The following ANXA4 variants were observed in gnomAD, a reference collection of about 807,000 sequenced individuals.
ANXA4 encodes annexin A4, also known as 35-beta calcimedin.
A neutral mutation model predicts 49.8 loss-of-function variants in ANXA4; 39 were observed. The observed-to-expected ratio is 0.78, with a 90% CI of 0.61 to 1.02. ANXA4 has a LOEUF of 1.02. Ranked by LOEUF, ANXA4 falls within the 50% of genes least tolerant of loss-of-function variation. ANXA4 has a pLI of 0.00. For missense variants in ANXA4, 360 were observed against 410.1 expected, an observed-to-expected ratio of 0.88 and a Z score of 1.05; for synonymous variants, 134 against 152.5, an observed-to-expected ratio of 0.88 and a Z score of 0.89.
At chr2:69,792,391 C>A (rs1391442595) in intron 3 of ANXA4, among the ~76,000 whole-genome samples, 1 of 152,140 alleles carries the variant, frequency 6.6e-6, no homozygotes, top group Non-Finnish European at 1.5e-5. Context: ...ACATTATAGA[C>A]AATCCTATTT....
chr2:69,708,714 A>C (rs533683091), intron 2 of ANXA4, among the ~76,000 whole-genome samples: 39 of 152,246 alleles, frequency 2.6e-4, no homozygotes, highest in Middle Eastern at 3.4e-3. Context: ...ATGGTCCTCC[A>C]ACAATCGAGG....
At chr2:69,668,163 A>T (rs966416588) in intron 2 of ANXA4, among the ~76,000 whole-genome samples, 5 of 152,188 alleles carry the variant, frequency 3.3e-5, no homozygotes, top group African/African-American at 9.7e-5. Context: ...ACCGGTTTAT[A>T]AGTCCATGCT....
chr2:69,698,956 C>A (rs1054540373), intron 2 of ANXA4, among the ~76,000 whole-genome samples: 14 of 152,244 alleles, frequency 9.2e-5, no homozygotes, highest in Non-Finnish European at 1.9e-4. Context: ...GAGGATAAGG[C>A]AGGAAAAGTG....
chr2:69,733,858 T>A (rs1659659332), intron 3 of ANXA4, among the ~76,000 whole-genome samples: 1 of 152,018 alleles, frequency 6.6e-6, no homozygotes, highest in South Asian at 2.1e-4. Flanking sequence ...TGTTCCCGAA[T>A]TTTTTTTACA....
intron 1 of ANXA4, among the ~76,000 whole-genome samples, chr2:69,649,583 G>C (rs1676147180): frequency 8.0e-6 from 1 of 125,086 alleles, no homozygotes; most frequent in Non-Finnish European, 1.7e-5. Context: ...ATTCTCTTGT[G>C]TGCTTCTTTG....
intron 2 of ANXA4, 56 bp downstream of exon 2, chr2:69,781,630 T>G (rs1559185824): frequency 1.9e-6 from 3 of 1,604,098 alleles, no homozygotes; most frequent in Non-Finnish European, 2.6e-6. Context: ...AGGTACAGAA[T>G]GTGGGCTCAG....
chr2:69,820,284 G>T (rs1443344066), intron 11 of ANXA4, among the ~76,000 whole-genome samples: 1 of 150,608 alleles, frequency 6.6e-6, no homozygotes, highest in Non-Finnish European at 1.5e-5. Context: ...AATCTGCAAA[G>T]AATATATAAA....
intron 2 of ANXA4, among the ~76,000 whole-genome samples, chr2:69,704,972 T>C (rs1253066010): frequency 1.3e-5 from 2 of 152,116 alleles, no homozygotes; most frequent in African/African-American, 4.8e-5. Context: ...CTGGTTAGGA[T>C]TTCCAAAACA....
intron 1 of ANXA4, among the ~76,000 whole-genome samples, chr2:69,771,772 C>T (rs183905106): frequency 6.6e-6 from 1 of 152,280 alleles, no homozygotes; most frequent in Non-Finnish European, 1.5e-5. Context: ...TCCTGGAAAC[C>T]AGTATAGATG....
At chr2:69,730,388 G>T (rs1425251261) in intron 3 of ANXA4, among the ~76,000 whole-genome samples, 1 of 152,162 alleles carries the variant, frequency 6.6e-6, no homozygotes, top group African/African-American at 2.4e-5. Flanking sequence ...TATAATCCCA[G>T]CTATTTGGGA....
intron 2 of ANXA4, among the ~76,000 whole-genome samples, chr2:69,701,174 T>C (rs576055577): frequency 6.4e-4 from 92 of 142,882 alleles, no homozygotes; most frequent in Non-Finnish European, 1.1e-3. Flanking sequence ...TGTGCCTGGC[T>C]TAATTTTTTT....
chr2:69,662,307 G>A (rs1343728906), intron 2 of ANXA4, among the ~76,000 whole-genome samples: 1 of 152,162 alleles, frequency 6.6e-6, no homozygotes, highest in Admixed American at 6.6e-5. Context: ...AAGACATCCA[G>A]GCAGAAGTTA....
At chr2:69,677,774 G>A (rs116236389) in intron 2 of ANXA4, among the ~76,000 whole-genome samples, 3,379 of 152,176 alleles carry the variant, frequency 0.022, 100 homozygotes, top group African/African-American at 0.076. Context: ...ACAGAAGCAG[G>A]TGATAGAAAA....
chr2:69,802,306 T>C (rs1489342288), intron 3 of ANXA4, among the ~76,000 whole-genome samples: 1 of 152,124 alleles, frequency 6.6e-6, no homozygotes, highest in Admixed American at 6.5e-5. Context: ...AAATCTTGAA[T>C]TGGAATGGTT....
At chr2:69,705,102 A>G (rs1326895061) in intron 2 of ANXA4, among the ~76,000 whole-genome samples, 1 of 152,022 alleles carries the variant, frequency 6.6e-6, no homozygotes, top group East Asian at 1.9e-4. Flanking sequence ...CCTGGGTGAC[A>G]TAGAGAGACT....
At chr2:69,770,931 A>T (rs999794671) in intron 1 of ANXA4, among the ~76,000 whole-genome samples, 12 of 97,996 alleles carry the variant, frequency 1.2e-4, no homozygotes, top group East Asian at 4.7e-4. Flanking sequence ...TAGAAAATTT[A>T]AAAAAAAAAA....
chr2:69,825,305 G>T, intron 12 of ANXA4, 151 bp from the exon 13 acceptor site: 1 of 648,684 alleles, frequency 1.5e-6, no homozygotes, highest in Non-Finnish European at 2.7e-6. Flanking sequence ...TTTCTACACT[G>T]AATAAGTATT....
At chr2:69,754,247 C>T (rs961627406) in intron 1 of ANXA4, among the ~76,000 whole-genome samples, 1 of 152,124 alleles carries the variant, frequency 6.6e-6, no homozygotes, top group African/African-American at 2.4e-5. Context: ...TTCCCATTTC[C>T]TCATACTTGA....
rs11677920 is a variant in ANXA4 at position 69,791,505 on chromosome 2, G to A, written c.97+3364G>A. Among the ~76,000 whole-genome samples, 1,477 of 152,282 alleles carry A rather than the reference G, an allele frequency of 9.7e-3. 12 individuals are homozygous for A. The highest frequency in any genetic ancestry group is 0.016 in the Non-Finnish European group (1,085 of 68,018). On this transcript the variant is annotated intron_variant, in intron 3 of 12. Coordinates refer to ENST00000394295, the MANE Select transcript of ANXA4 (RefSeq NM_001153.5). Reference sequence around the variant, plus strand: ...GAGACATAAACATGCTCCAAACTTTGCCTATAGTAGTACACTTTGCTTAGT... The same window carrying A: ...GAGACATAAACATGCTCCAAACTTTACCTATAGTAGTACACTTTGCTTAGT...
Sources: allele counts gnomAD v4.1 joint callset (sites outside exome capture counted in the v4.1 genomes callset), GRCh38; gene constraint gnomAD v4.1.1; transcripts MANE v1.5; gene names NCBI Gene and HGNC (gene_info 2026-07-23, HGNC 2026-07-21).